The following DYRK3 variants were observed in gnomAD, a reference collection of about 807,000 sequenced individuals.
DYRK3 encodes dual specificity tyrosine-phosphorylation-regulated kinase 3.
Under a neutral mutation model 40.8 loss-of-function variants are expected in DYRK3, and 30 were observed. The ratio of observed to expected loss-of-function variants is 0.74; its 90% CI spans 0.55 to 1.00. The LOEUF is 1.00. Among genes scored for constraint, DYRK3 ranks in the 50% least tolerant of loss-of-function variants. The probability of loss-of-function intolerance (pLI) is 0.00; values close to 1 mark genes in which losing one functional copy is unlikely to be tolerated. For missense variants in DYRK3, 699 were observed against 731.5 expected, an observed-to-expected ratio of 0.96 and a Z score of 0.51; for synonymous variants, 272 against 260.7, an observed-to-expected ratio of 1.04 and a Z score of -0.42.
In DYRK3 at chr1:206,636,118, C is replaced by A. The variant is rs200935221; in HGVS notation, c.77+338C>A. ...GGGGCTTTTTATTAAAGGGGGGGAG[C>A]CCGGGAGCAATACCTTGGAAAGAAG... On this transcript the variant is annotated intron_variant, in intron 1 of 2. Transcript: ENST00000367109. 9.1e-5 allele frequency: 122 copies of A among 1,337,270 alleles called. 6 individuals carry two copies. Among genetic ancestry groups the A allele is most frequent in the South Asian group, 5.7e-4 (49 of 86,122 alleles). The allele number at this position is 1,337,270 out of a possible 1,614,324, so 82.8% of individuals were successfully genotyped here. A position where few individuals can be genotyped will look rare whatever the true frequency, so the allele number is the denominator to read the frequency against.
At chr1:206,640,099 C>A (rs1307010102) in intron 2 of DYRK3, among the ~76,000 whole-genome samples, 1 of 151,838 alleles carries the variant, frequency 6.6e-6, no homozygotes, top group Admixed American at 6.6e-5. Context: ...CCATGCCTGG[C>A]TAATTTTTGT....
At position 206,654,476 on chromosome 1, in the gene DYRK3, C is replaced by T. The variant is rs1338955738; in HGVS notation, c.*5511C>T. Among the ~76,000 whole-genome samples, 1 of 152,226 alleles carries T rather than the reference C, an allele frequency of 6.6e-6. No homozygotes were observed. Among genetic ancestry groups the T allele is most frequent in the African/African-American group, 2.4e-5 (1 of 41,466 alleles). On this transcript the variant is annotated 3_prime_UTR_variant, in exon 3 of 3. Transcript: ENST00000367109. The stretch of plus-strand genomic sequence containing the variant: ...TGGCAAATCAAAGAAGAGTTCTCTT[C>T]TGCCAGGGATTAGCCTCCTAGTTTT...
At position 206,635,837 on chromosome 1, in the gene DYRK3, C is replaced by G; in HGVS notation, c.77+57C>G. The G allele has an allele frequency of 3.2e-6, 4 of 1,240,914 alleles. No homozygotes were observed. In the African/African-American group the frequency reaches 4.6e-5, roughly 14 times the overall value. The allele number at this position is 1,240,914 out of a possible 1,614,324, so 76.9% of individuals were successfully genotyped here. A position where few individuals can be genotyped will look rare whatever the true frequency, so the allele number is the denominator to read the frequency against. ...CGCCACAGGGAGCGGCTGGCGCTGG[C>G]AAGCGAAGCTTGGGGGTGGGGAGGA... On this transcript the variant is annotated intron_variant, in intron 1 of 2. Transcript: ENST00000367109.
intron 1 of DYRK3, 135 bp downstream of exon 1, chr1:206,635,915 C>G (rs1671091070): frequency 7.7e-7 from 1 of 1,297,668 alleles, no homozygotes. Context: ...GACTGCCTCC[C>G]CGGGACCGCC....
intron 2 of DYRK3, among the ~76,000 whole-genome samples, chr1:206,639,951 T>TC (rs1372382996): frequency 2.0e-5 from 3 of 148,146 alleles, no homozygotes; most frequent in African/African-American, 7.5e-5. Context: ...TTTTTTTTTT[T>TC]TGAGACCGAG....
intron 1 of DYRK3, chr1:206,636,301 C>A: frequency 9.7e-6 from 2 of 206,074 alleles, no homozygotes; most frequent in Non-Finnish European, 2.1e-5. Context: ...TATTTTACAC[C>A]TAAATGGAGA....
rs1671651430 is a variant in DYRK3 at position 206,652,286 on chromosome 1, G to C, written c.*3321G>C. 6.6e-6 allele frequency among the ~76,000 whole-genome samples: 1 copy of C among 152,174 alleles called. No individual in the cohort carries two copies. The highest frequency in any genetic ancestry group is 6.5e-5 in the Admixed American group (1 of 15,274). ...GAAGAACTGCTCCTGTAAGCAAACT[G>C]TTAAAAGCATTACTACCCCATATGC... is the stretch of plus-strand genomic sequence containing the variant. On this transcript the variant is annotated 3_prime_UTR_variant, in exon 3 of 3. Coordinates refer to ENST00000367109, the MANE Select transcript of DYRK3 (RefSeq NM_003582.4).
Position 206,648,298 on chromosome 1 carries a change from A to G in DYRK3, c.1100A>G (p.Tyr367Cys). 1 of 1,614,186 alleles carries G rather than the reference A, an allele frequency of 6.2e-7. No homozygotes were observed. The highest frequency in any genetic ancestry group is 8.5e-7 in the Non-Finnish European group (1 of 1,180,040). ...GSSCFEYQKL[Y>C]TYIQSRFYRA... Reference sequence around the variant, plus strand: ...AGCTGTTTCGAGTACCAGAAGCTCTACACATATATCCAGTCTCGGTTCTAC... The same window carrying G: ...AGCTGTTTCGAGTACCAGAAGCTCTGCACATATATCCAGTCTCGGTTCTAC... Residue 367 changes from tyrosine (Y) to cysteine (C), a missense_variant, in exon 3 of 3, where the codon TAC becomes TGC. Tyr to Cys is a radical substitution (Grantham distance 194, BLOSUM62 -2). Coordinates refer to ENST00000367109, the MANE Select transcript of DYRK3 (RefSeq NM_003582.4).
chr1:206,638,306 T>A (rs1671179229), intron 2 of DYRK3, among the ~76,000 whole-genome samples: 1 of 135,668 alleles, frequency 7.4e-6, no homozygotes, highest in Admixed American at 8.3e-5. Flanking sequence ...AGGTGGAGTC[T>A]CTCTCTGTCA....
At chr1:206,641,754 C>T (rs779382270) in intron 2 of DYRK3, among the ~76,000 whole-genome samples, 41 of 150,366 alleles carry the variant, frequency 2.7e-4, no homozygotes, top group Non-Finnish European at 5.7e-4. Flanking sequence ...GATCCCTTCC[C>T]TACACCTTAT....
At chr1:206,637,585 G>C in intron 1 of DYRK3, 65 bp from the exon 2 acceptor site, 1 of 1,129,340 alleles carries the variant, frequency 8.9e-7, no homozygotes, top group Non-Finnish European at 1.3e-6. Flanking sequence ...ATATGAAGCA[G>C]TTAAGACATA....
chr1:206,653,709 T>G lies in DYRK3; in HGVS notation c.*4744T>G, dbSNP rs1173673299. 6.6e-6 allele frequency among the ~76,000 whole-genome samples: 1 copy of G among 152,104 alleles called. No individual in the cohort carries two copies. The highest frequency in any genetic ancestry group is 1.9e-4 in the East Asian group (1 of 5,194). On this transcript the variant is annotated 3_prime_UTR_variant, in exon 3 of 3. Transcript: ENST00000367109. ...TACCTTGATAATAATGAAAAAAAAA[T>G]GAATACCACCAAAACCTAACTATGA...
chr1:206,648,584 T>C lies in DYRK3; in HGVS notation c.1386T>C (p.Val462=), dbSNP rs782629263. 1 of 1,614,088 alleles carries C rather than the reference T, an allele frequency of 6.2e-7. No homozygotes were observed. Among genetic ancestry groups the C allele is most frequent in the South Asian group, 1.1e-5 (1 of 91,080 alleles). ...TGACTACCCAGGCAGATGGGAGGGT[T>C]GTGCTTGTGGGGGGTCGCTCACGTA... ...CSVTTQADGR[V]VLVGGRSRRG... The change falls in exon 3 of 3, where the codon GTT becomes GTC. Residue 462 remains valine, a synonymous_variant. Coordinates refer to ENST00000367109, the MANE Select transcript of DYRK3 (RefSeq NM_003582.4).
At chr1:206,636,799 T>G in intron 1 of DYRK3, 1 of 870,292 alleles carries the variant, frequency 1.1e-6, no homozygotes, top group Non-Finnish European at 1.7e-6. Context: ...GTGTTCTTGG[T>G]AGCAGATGAA....
At position 206,643,724 on chromosome 1, in the gene DYRK3, C is replaced by T. The variant is rs550305722; in HGVS notation, c.190-3664C>T. Among the ~76,000 whole-genome samples the T allele has an allele frequency of 7.2e-5, 11 of 151,982 alleles. No individual in the cohort carries two copies. In the East Asian group the frequency reaches 2.1e-3, roughly 29 times the overall value. ...CCTAAGTGAAGGCCTATTGTGGGGG[C>T]CCTCATTGAGCAGAAGGCATAGTTA... On this transcript the variant is annotated intron_variant, in intron 2 of 2. Transcript: ENST00000367109.
chr1:206,636,970 T>C, intron 1 of DYRK3: 1 of 1,594,822 alleles, frequency 6.3e-7, no homozygotes, highest in South Asian at 1.1e-5. Context: ...GAAAGAGAAG[T>C]AAATTCAATA....
Position 206,649,799 on chromosome 1 carries a change from C to T in DYRK3, c.*834C>T, listed in dbSNP as rs1391496643. Among the ~76,000 whole-genome samples, 13 of 152,216 alleles carry T rather than the reference C, an allele frequency of 8.5e-5. No individual in the cohort carries two copies. The highest frequency in any genetic ancestry group is 7.9e-4 in the Admixed American group (12 of 15,278). ...AGTTCCCCAGCTTTGTGGTACTCCA[C>T]GGACCAGCCTCCTTGCTGCATTTTC... On this transcript the variant is annotated 3_prime_UTR_variant, in exon 3 of 3. Transcript: ENST00000367109.
chr1:206,644,184 A>G (rs1671383559), intron 2 of DYRK3, among the ~76,000 whole-genome samples: 1 of 151,724 alleles, frequency 6.6e-6, no homozygotes, highest in East Asian at 1.9e-4. Context: ...ACAGGCACAC[A>G]CTACCACACC....
chr1:206,640,871 T>G (rs1671269859), intron 2 of DYRK3, among the ~76,000 whole-genome samples: 1 of 152,160 alleles, frequency 6.6e-6, no homozygotes, highest in Admixed American at 6.5e-5. Flanking sequence ...TTTTTAAGAC[T>G]TGATTAATAC....
Sources: gnomAD v4.1 joint callset for allele counts (sites outside exome capture counted in the v4.1 genomes callset) on GRCh38, gnomAD v4.1.1 for gene constraint, MANE v1.5 for transcripts, NCBI Gene and HGNC (gene_info 2026-07-23, HGNC 2026-07-21) for gene names.